DENND1A: variants seen among roughly 807,000 people sequenced by gnomAD.
The protein encoded by DENND1A is DENN domain-containing protein 1A.
DENND1A carries 51 observed loss-of-function variants against 113.7 expected under a neutral mutation model. The ratio of observed to expected loss-of-function variants is 0.45; its 90% CI spans 0.36 to 0.57. The LOEUF is 0.57. Among genes scored for constraint, DENND1A ranks in the 20% least tolerant of loss-of-function variants. The pLI is 0.00. For missense variants in DENND1A, 1,258 were observed against 1,395.9 expected (o/e 0.90, Z 1.57); for synonymous variants, 565 against 570.8 (o/e 0.99, Z 0.14).
chr9:123,554,682 A>G (rs1449879142), intron 13 of DENND1A, among the ~76,000 whole-genome samples: 4 of 152,226 alleles, frequency 2.6e-5, no homozygotes, highest in Non-Finnish European at 5.9e-5. Flanking sequence ...CAGGTCTGCC[A>G]TATTTCATTG....
Position 123,454,668 on chromosome 9 carries a change from A to G in DENND1A, c.1227+71T>C, listed in dbSNP as rs145308237. 1.8e-4 allele frequency: 263 copies of G among 1,462,912 alleles called. 2 individuals are homozygous for G. The East Asian group carries it at 6.5e-3, about 36-fold the overall frequency. The allele number at this position is 1,462,912 out of a possible 1,614,324, so 90.6% of individuals were successfully genotyped here. A position where few individuals can be genotyped will look rare whatever the true frequency, so the allele number is the denominator to read the frequency against. ...AGTGCTCCAGGATGGAAGGGGAAGC[A>G]CAGGGAAGCGGAAGGCTGCCAGGAA... On this transcript the variant is annotated intron_variant, in intron 16 of 23. Transcript: ENST00000394215.
chr9:123,858,069 A>AAAAAAAAG lies in DENND1A; in HGVS notation c.88+20874_88+20881dup, dbSNP rs1306398270. Among the ~76,000 whole-genome samples, 484 of 151,938 alleles carry AAAAAAAAG rather than the reference A, an allele frequency of 3.2e-3. 1 individual carries two copies. The highest frequency in any genetic ancestry group is 5.7e-3 in the Non-Finnish European group (388 of 67,898). On this transcript the variant is annotated intron_variant, in intron 2 of 23. Coordinates refer to ENST00000394215, the MANE Select transcript of DENND1A (RefSeq NM_001352964.2). ...GCGAGACTCCGTCTCAAAAAAAAAA[A>AAAAAAAAG]AAAAAAAGAAAAGAAAGAAAGAAAC...
intron 3 of DENND1A, among the ~76,000 whole-genome samples, chr9:123,783,506 T>C (rs185832534): frequency 5.6e-4 from 85 of 152,364 alleles, no homozygotes; most frequent in African/African-American, 2.0e-3. Flanking sequence ...GACATAATTA[T>C]TGGTTATGAT....
At chr9:123,800,260 TTTGC>T (rs2132209505) in intron 2 of DENND1A, among the ~76,000 whole-genome samples, 1 of 152,364 alleles carries the variant, frequency 6.6e-6, no homozygotes, top group African/African-American at 2.4e-5. Context: ...TGCTAATTCC[TTTGC>T]TTTCTAAGTT....
chr9:123,433,671 A>T (rs966870722), intron 19 of DENND1A, among the ~76,000 whole-genome samples: 11 of 151,690 alleles, frequency 7.3e-5, no homozygotes, highest in Admixed American at 1.3e-4. Context: ...TCTTTTTTTT[A>T]AAAAAACAAC....
chr9:123,805,956 G>T (rs1835477935), intron 2 of DENND1A, among the ~76,000 whole-genome samples: 1 of 151,994 alleles, frequency 6.6e-6, no homozygotes, highest in African/African-American at 2.4e-5. Context: ...GGTTTTGGGG[G>T]GTTGTTTTTT....
chr9:123,919,228 T>C (rs1855775178), intron 1 of DENND1A, among the ~76,000 whole-genome samples: 1 of 152,022 alleles, frequency 6.6e-6, no homozygotes, highest in Non-Finnish European at 1.5e-5. Context: ...TCCCAGCACT[T>C]TGGGAGGCCT....
chr9:123,639,063 A>AAAAAAAAAAAG (rs2061878045), intron 9 of DENND1A, among the ~76,000 whole-genome samples: 1 of 146,452 alleles, frequency 6.8e-6, no homozygotes, highest in Non-Finnish European at 1.5e-5. Flanking sequence ...AAAAAAAAAA[A>AAAAAAAAAAAG]AAAGAAAGAA....
intron 1 of DENND1A, among the ~76,000 whole-genome samples, chr9:123,909,173 G>T (rs1853468651): frequency 6.6e-6 from 1 of 151,518 alleles, no homozygotes; most frequent in African/African-American, 2.4e-5. Flanking sequence ...ACAGGAAGGG[G>T]AATATCACAC....
At chr9:123,806,802 G>GA (rs1414587854) in intron 2 of DENND1A, among the ~76,000 whole-genome samples, 1 of 151,814 alleles carries the variant, frequency 6.6e-6, no homozygotes, top group South Asian at 2.1e-4. Flanking sequence ...AATACTGAAT[G>GA]AAAAAAAGAA....
chr9:123,844,943 G>C (rs941448502), intron 2 of DENND1A, among the ~76,000 whole-genome samples: 1 of 152,180 alleles, frequency 6.6e-6, no homozygotes, highest in Non-Finnish European at 1.5e-5. Flanking sequence ...AAGGGGCCAG[G>C]CACGGTGGCT....
intron 5 of DENND1A, among the ~76,000 whole-genome samples, chr9:123,719,407 C>T (rs2067188487): frequency 6.6e-6 from 1 of 152,208 alleles, no homozygotes; most frequent in African/African-American, 2.4e-5. Flanking sequence ...GGATGACAAT[C>T]ACGAAGAGAA....
chr9:123,438,887 T>C (rs1463686526), intron 19 of DENND1A, among the ~76,000 whole-genome samples: 2 of 152,248 alleles, frequency 1.3e-5, no homozygotes, highest in Non-Finnish European at 2.9e-5. Context: ...CCTCCTTTTT[T>C]TGTGTTTCGA....
chr9:123,561,328 C>A (rs1419966645), intron 12 of DENND1A, among the ~76,000 whole-genome samples: 1 of 152,210 alleles, frequency 6.6e-6, no homozygotes, highest in Non-Finnish European at 1.5e-5. Context: ...GTGTCCCTTC[C>A]TGCCTGCCCC....
At position 123,531,896 on chromosome 9, in the gene DENND1A, G is replaced by T. The variant is rs2055352747; in HGVS notation, c.993+25674C>A. Among the ~76,000 whole-genome samples, 2 of 152,182 alleles carry T rather than the reference G, an allele frequency of 1.3e-5. 1 individual carries two copies. The highest frequency in any genetic ancestry group is 4.1e-4 in the South Asian group (2 of 4,834). On this transcript the variant is annotated intron_variant, in intron 13 of 23. Transcript: ENST00000394215. ...TGGAAGGGGCAGAGGGTTGCAGCTT[G>T]TGAGTATATGGTGAAGTGGCGAGAA...
chr9:123,538,567 GA>G, intron 13 of DENND1A, among the ~76,000 whole-genome samples: 1 of 151,568 alleles, frequency 6.6e-6, no homozygotes, highest in East Asian at 1.9e-4. Context: ...GGTTCATGTA[GA>G]AAAAAAGTAC....
At chr9:123,574,566 T>G (rs2136440982) in intron 12 of DENND1A, among the ~76,000 whole-genome samples, 1 of 152,338 alleles carries the variant, frequency 6.6e-6, no homozygotes, top group Middle Eastern at 3.4e-3. Flanking sequence ...ACAGAAAAGT[T>G]ACAAAGATAG....
In DENND1A at chr9:123,694,844, T is replaced by C. The variant is rs532629777; in HGVS notation, c.303-18055A>G. Reference sequence around the variant, plus strand: ...ACCAGTTGTGATGGTTAATACTGAGTGTCAACTTGATTGAATTGAAGGATA... The same window carrying C: ...ACCAGTTGTGATGGTTAATACTGAGCGTCAACTTGATTGAATTGAAGGATA... On this transcript the variant is annotated intron_variant, in intron 5 of 23. Coordinates refer to ENST00000394215, the MANE Select transcript of DENND1A (RefSeq NM_001352964.2). Among the ~76,000 whole-genome samples, 151 of 152,286 alleles carry C rather than the reference T, an allele frequency of 9.9e-4. 1 individual carries two copies. The highest frequency in any genetic ancestry group is 3.5e-3 in the African/African-American group (145 of 41,560).
At chr9:123,631,017 C>T (rs2061452547) in intron 9 of DENND1A, among the ~76,000 whole-genome samples, 1 of 152,186 alleles carries the variant, frequency 6.6e-6, no homozygotes, top group African/African-American at 2.4e-5. Flanking sequence ...AGCTACTCTA[C>T]TACCATTAAG....
Sources: gnomAD v4.1 joint callset for allele counts (sites outside exome capture counted in the v4.1 genomes callset) on GRCh38, gnomAD v4.1.1 for gene constraint, MANE v1.5 for transcripts, NCBI Gene and HGNC (gene_info 2026-07-23, HGNC 2026-07-21) for gene names.